The following TRAK1 variants were observed in gnomAD, a reference collection of about 807,000 sequenced individuals.
TRAK1 encodes trafficking kinesin protein 1, also known as trafficking kinesin-binding protein 1.
In TRAK1, 33 loss-of-function variants were observed where a neutral mutation model predicts 92.1. The observed-to-expected ratio is 0.36, with a 90% confidence interval of 0.27 to 0.48. The LOEUF (loss-of-function observed/expected upper bound fraction) is 0.48. Among genes scored for constraint, TRAK1 ranks in the 20% least tolerant of loss-of-function variants. TRAK1 has a pLI of 0.99. For synonymous variants in TRAK1, 521 were observed against 517.3 expected (o/e 1.01, Z -0.10); for missense variants, 1,123 against 1,257.9 (o/e 0.89, Z 1.62).
intron 1 of TRAK1, among the ~76,000 whole-genome samples, chr3:42,049,861 T>C (rs1277072399): frequency 3.3e-5 from 5 of 152,206 alleles, no homozygotes; most frequent in African/African-American, 1.2e-4. Flanking sequence ...TTTTCTTCTG[T>C]TCTATGCATC....
chr3:42,203,704 C>T (rs906854478), intron 13 of TRAK1: 45 of 985,022 alleles, frequency 4.6e-5, no homozygotes, highest in Non-Finnish European at 3.3e-5. Flanking sequence ...GCAGAACTTT[C>T]CCAACTTTAA....
At chr3:42,100,907 A>G (rs979247629) in intron 1 of TRAK1, among the ~76,000 whole-genome samples, 4 of 152,164 alleles carry the variant, frequency 2.6e-5, no homozygotes, top group African/African-American at 9.7e-5. Context: ...ACCTCAGGTG[A>G]TCCACCCGCC....
At chr3:42,158,220 A>G (rs1700787251) in intron 2 of TRAK1, among the ~76,000 whole-genome samples, 2 of 152,218 alleles carry the variant, frequency 1.3e-5, no homozygotes, top group Non-Finnish European at 2.9e-5. Context: ...ATTTATTATG[A>G]GTAAAGTCAC....
intron 1 of TRAK1, among the ~76,000 whole-genome samples, chr3:42,058,608 T>C (rs745621763): frequency 3.0e-4 from 46 of 152,186 alleles, no homozygotes; most frequent in Non-Finnish European, 6.2e-4. Context: ...CCTCTCAAAG[T>C]GCTGGGATTA....
rs1167737298 is a variant in TRAK1, at chr3:42,179,052, A to G, written c.363+2162A>G. Among the ~76,000 whole-genome samples, 3 of 152,188 alleles carry G rather than the reference A, an allele frequency of 2.0e-5. No homozygotes were observed. In the East Asian group the frequency reaches 5.8e-4, roughly 29 times the overall value. ...TTTGAATCTCTCACATTTTTAAATT[A>G]AAAAATTCTCTCACCTTGACCTCCC... On this transcript the variant is annotated intron_variant, in intron 3 of 15. Transcript: ENST00000327628.
intron 1 of TRAK1, among the ~76,000 whole-genome samples, chr3:42,053,339 CAG>C (rs1166265335): frequency 3.5e-5 from 4 of 114,972 alleles, no homozygotes; most frequent in East Asian, 2.5e-4. Context: ...AAAAGGCACT[CAG>C]AGAGAAAAGA....
At chr3:42,204,254 G>A (rs1197091043) in intron 13 of TRAK1, 2 of 985,026 alleles carry the variant, frequency 2.0e-6, no homozygotes, top group East Asian at 1.1e-4. Context: ...TATCATCTCT[G>A]TCTTGTCTGC....
chr3:42,093,669 C>T (rs10452024), intron 1 of TRAK1, among the ~76,000 whole-genome samples: 3,701 of 10,222 alleles, frequency 0.36, 198 homozygotes, highest in Middle Eastern at 0.5. Flanking sequence ...TCCCTTCCCT[C>T]CCCTCCCCTC....
At chr3:42,114,385 T>C (rs1454927867) in intron 1 of TRAK1, among the ~76,000 whole-genome samples, 2 of 152,238 alleles carry the variant, frequency 1.3e-5, no homozygotes, top group Non-Finnish European at 2.9e-5. Context: ...TTTGACTTTT[T>C]GAGGAACCTG....
chr3:42,052,733 A>G (rs1166649956), intron 1 of TRAK1, among the ~76,000 whole-genome samples: 7 of 152,130 alleles, frequency 4.6e-5, no homozygotes, highest in Admixed American at 4.6e-4. Flanking sequence ...CAGGATGTGC[A>G]TTTAATCTAG....
intron 1 of TRAK1, among the ~76,000 whole-genome samples, chr3:42,044,144 C>G (rs1395208755): frequency 6.6e-6 from 1 of 152,084 alleles, no homozygotes; most frequent in East Asian, 1.9e-4. Context: ...TCCTTTTCAT[C>G]CCCATCTGCT....
Position 42,193,815 on chromosome 3 carries a change from A to G in TRAK1, c.901-9A>G, listed in dbSNP as rs373539726. ...TCTTAGGAAGTGATCTATCTTTGCC[A>G]TGCTTTAGTGCGCAGTGGAAAATGA... On this transcript the variant is annotated splice_polypyrimidine_tract_variant and intron_variant, in intron 8 of 15. Transcript: ENST00000327628. The G allele has an allele frequency of 1.0e-4, 166 of 1,614,136 alleles. No individual in the cohort carries two copies. In the African/African-American group the frequency reaches 1.8e-3, roughly 17 times the overall value.
At chr3:42,102,879 C>T (rs2030566881) in intron 1 of TRAK1, among the ~76,000 whole-genome samples, 5 of 152,124 alleles carry the variant, frequency 3.3e-5, no homozygotes, top group Admixed American at 3.3e-4. Context: ...GAGTTCTCTG[C>T]TTCCTGCCTC....
chr3:42,058,043 G>A (rs1234917953), intron 1 of TRAK1, among the ~76,000 whole-genome samples: 1 of 152,080 alleles, frequency 6.6e-6, no homozygotes, highest in Non-Finnish European at 1.5e-5. Flanking sequence ...CCTTGGTTGG[G>A]TTATTTTTGC....
Position 42,095,721 on chromosome 3 carries a change from A to ATCG in TRAK1, c.91+4163_91+4164insGTC, listed in dbSNP as rs1271636157. ...CCCATTGTTTGGCTTTATCATCGTC[A>ATCG]TCATCATCATCATCATCATCATCAT... On this transcript the variant is annotated intron_variant, in intron 1 of 15. Coordinates refer to ENST00000327628, the MANE Select transcript of TRAK1 (RefSeq NM_001042646.3). Among the ~76,000 whole-genome samples the ATCG allele has an allele frequency of 6.8e-4, 103 of 150,958 alleles. 1 individual carries two copies. In the Middle Eastern group the frequency reaches 0.011, roughly 16 times the overall value.
At chr3:42,174,593 C>A (rs1392796679) in intron 2 of TRAK1, among the ~76,000 whole-genome samples, 1 of 151,500 alleles carries the variant, frequency 6.6e-6, no homozygotes, top group Non-Finnish European at 1.5e-5. Flanking sequence ...GCCTCAGCCT[C>A]CCGAGTAGCT....
Position 42,062,348 on chromosome 3 carries a change from A to AT in TRAK1, c.-518-24748dup, listed in dbSNP as rs368309079. ...CTAAGGATAGGTCTTAATTTTGAAT[A>AT]TTTTTTTTCCTACTAGGGCCAATTT... On this transcript the variant is annotated intron_variant, in intron 1 of 16. Transcript: ENST00000487159. 5.9e-3 allele frequency among the ~76,000 whole-genome samples: 897 copies of AT among 152,024 alleles called. 10 individuals carry two copies. Among genetic ancestry groups the AT allele is most frequent in the African/African-American group, 0.02 (849 of 41,440 alleles).
rs113813133 is a variant in TRAK1 at position 42,132,244 on chromosome 3, GT to G, written c.286+6643del. ...ATTACTTGTAAATGCTATGTTTTTT[GT>G]TTTTTTTTTTTTGTTTGGTGTATTT... On this transcript the variant is annotated intron_variant, in intron 2 of 15. Transcript: ENST00000327628. Among the ~76,000 whole-genome samples, 982 of 138,462 alleles carry G rather than the reference GT, an allele frequency of 7.1e-3. 31 individuals are homozygous for G. The East Asian group carries it at 0.11, about 15-fold the overall frequency. The allele number at this position is 138,462 out of a possible 152,430, so 90.8% of individuals were successfully genotyped here. A position where few individuals can be genotyped will look rare whatever the true frequency, so the allele number is the denominator to read the frequency against.
intron 13 of TRAK1, chr3:42,203,172 A>C (rs1707888199): frequency 1.7e-6 from 2 of 1,180,434 alleles, no homozygotes; most frequent in Non-Finnish European, 1.0e-6. Flanking sequence ...TGTCGGGGAG[A>C]GGTTCCAAGC....
Sources: allele counts gnomAD v4.1 joint callset (sites outside exome capture counted in the v4.1 genomes callset), GRCh38; gene constraint gnomAD v4.1.1; transcripts MANE v1.5; gene names NCBI Gene and HGNC (gene_info 2026-07-23, HGNC 2026-07-21).